PDE11A: variants seen among roughly 807,000 people sequenced by gnomAD.
PDE11A encodes the protein phosphodiesterase 11A, also known as dual 3',5'-cyclic-AMP and -GMP phosphodiesterase 11A.
In PDE11A, 100 loss-of-function variants were observed where a neutral mutation model predicts 100.5. The observed-to-expected ratio is 1.00, with a 90% CI of 0.85 to 1.18. The LOEUF is 1.18. Ranked by LOEUF, PDE11A falls within the 50% of genes most tolerant of loss-of-function variation. The pLI is 0.00. For missense variants in PDE11A, 1,141 were observed against 1,152.6 expected (o/e 0.99, Z 0.15); for synonymous variants, 381 against 420.8 (o/e 0.91, Z 1.16).
chr2:177,747,652 C>T (rs1286247189), intron 10 of PDE11A, among the ~76,000 whole-genome samples: 4 of 152,338 alleles, frequency 2.6e-5, no homozygotes, highest in African/African-American at 9.6e-5. Context: ...TCCATCCCCA[C>T]CCAGGATCCA....
chr2:178,068,035 G>T (rs2087071750), intron 1 of PDE11A, among the ~76,000 whole-genome samples: 1 of 152,122 alleles, frequency 6.6e-6, no homozygotes, highest in South Asian at 2.1e-4. Flanking sequence ...CGATTTTTAT[G>T]AATGTTTAAA....
chr2:177,786,821 G>T (rs950570200), intron 9 of PDE11A, among the ~76,000 whole-genome samples: 1 of 152,152 alleles, frequency 6.6e-6, no homozygotes, highest in Non-Finnish European at 1.5e-5. Flanking sequence ...AATGAAGCGA[G>T]AAGGGAAGTT....
chr2:177,656,259 T>C lies in PDE11A; in HGVS notation c.2646+7607A>G, dbSNP rs578233007. Among the ~76,000 whole-genome samples, 125 of 152,366 alleles carry C rather than the reference T, an allele frequency of 8.2e-4. 1 individual carries two copies. The highest frequency in any genetic ancestry group is 3.0e-3 in the African/African-American group (124 of 41,594). On this transcript the variant is annotated intron_variant, in intron 19 of 19. Transcript: ENST00000286063. ...TCATATTTCTACTGTACCTTTTCTATATGTTTAGATGCACAAATATTTACC... is the reference window on the plus strand; with the variant it reads ...TCATATTTCTACTGTACCTTTTCTACATGTTTAGATGCACAAATATTTACC...
chr2:177,887,119 G>A (rs945408407), intron 4 of PDE11A, among the ~76,000 whole-genome samples: 3 of 152,142 alleles, frequency 2.0e-5, no homozygotes, highest in Non-Finnish European at 2.9e-5. Flanking sequence ...TTTTTGATTA[G>A]GGGTCAGGAA....
intron 5 of PDE11A, among the ~76,000 whole-genome samples, chr2:177,853,651 T>C (rs1185519680): frequency 2.9e-4 from 6 of 20,544 alleles, no homozygotes; most frequent in Non-Finnish European, 3.1e-4. Context: ...TATATATATA[T>C]ATATATATAT....
chr2:178,072,460 C>T lies in PDE11A; in HGVS notation c.-23G>A. 2 of 1,612,672 alleles carry T rather than the reference C, an allele frequency of 1.2e-6. No homozygotes were observed. The highest frequency in any genetic ancestry group is 1.1e-5 in the South Asian group (1 of 91,054). ...CATGGTCCCAGACAGCTTTCCTTGC[C>T]TGTTTACACGTGAACCAAATGTTTT... On this transcript the variant is annotated 5_prime_UTR_variant, in exon 1 of 20. Coordinates refer to ENST00000286063, the MANE Select transcript of PDE11A (RefSeq NM_016953.4).
At chr2:177,853,635 CATATATATAT>C (rs371434526) in intron 5 of PDE11A, among the ~76,000 whole-genome samples, 633 of 36,130 alleles carry the variant, frequency 0.018, 6 homozygotes, top group Admixed American at 0.03. Flanking sequence ...ACAAGTCCTG[CATATATATAT>C]ATATATATAT....
At chr2:177,660,962 G>A (rs2080477350) in intron 19 of PDE11A, among the ~76,000 whole-genome samples, 1 of 152,194 alleles carries the variant, frequency 6.6e-6, no homozygotes, top group Non-Finnish European at 1.5e-5. Flanking sequence ...TCCCACTGCT[G>A]TACTCAAGAG....
chr2:178,100,778 T>C (rs966794769), intron 2 of PDE11A, among the ~76,000 whole-genome samples: 7 of 152,190 alleles, frequency 4.6e-5, no homozygotes, highest in African/African-American at 1.4e-4. Flanking sequence ...ATAAAAGGCA[T>C]ATTTGGTATA....
At chr2:177,843,990 G>C (rs1013790389) in intron 5 of PDE11A, among the ~76,000 whole-genome samples, 2 of 152,162 alleles carry the variant, frequency 1.3e-5, no homozygotes, top group African/African-American at 4.8e-5. Flanking sequence ...AGTGCAAACA[G>C]ATTTTCTGAA....
chr2:177,875,610 T>C (rs552380034), intron 5 of PDE11A, among the ~76,000 whole-genome samples: 2 of 152,052 alleles, frequency 1.3e-5, no homozygotes, highest in East Asian at 1.9e-4. Flanking sequence ...CTCGATCTCC[T>C]GATCTCATGA....
At chr2:178,013,351 A>G (rs1427383727) in intron 2 of PDE11A, among the ~76,000 whole-genome samples, 3 of 152,174 alleles carry the variant, frequency 2.0e-5, no homozygotes, top group African/African-American at 7.2e-5. Context: ...TGAATTCAAA[A>G]ACCTTTAAGG....
intron 5 of PDE11A, among the ~76,000 whole-genome samples, chr2:177,856,552 A>C (rs115744574): frequency 6.6e-6 from 1 of 152,110 alleles, no homozygotes; most frequent in Non-Finnish European, 1.5e-5. Context: ...TGAAAGGAAA[A>C]TATGAGAAGG....
chr2:177,946,244 C>CCCCA (rs2085426989), intron 2 of PDE11A, among the ~76,000 whole-genome samples: 1 of 119,950 alleles, frequency 8.3e-6, no homozygotes, highest in African/African-American at 2.8e-5. Context: ...GGGTCAGCCC[C>CCCCA]CCGCCCGGCC....
intron 19 of PDE11A, among the ~76,000 whole-genome samples, chr2:177,639,418 T>C (rs1242668813): frequency 6.6e-6 from 1 of 152,130 alleles, no homozygotes; most frequent in African/African-American, 2.4e-5. Context: ...CTTTGTATCT[T>C]CAACATCTGG....
chr2:177,994,255 C>A (rs1003309731), intron 2 of PDE11A, among the ~76,000 whole-genome samples: 1 of 152,046 alleles, frequency 6.6e-6, no homozygotes, highest in South Asian at 2.1e-4. Context: ...TTGATGTTAT[C>A]TTAATGATTG....
intron 2 of PDE11A, among the ~76,000 whole-genome samples, chr2:177,929,900 G>T (rs946779201): frequency 6.6e-6 from 1 of 152,076 alleles, no homozygotes; most frequent in Non-Finnish European, 1.5e-5. Flanking sequence ...CATTGTATAA[G>T]TTATTTACTT....
At chr2:178,068,839 A>G (rs2087086114) in intron 1 of PDE11A, among the ~76,000 whole-genome samples, 1 of 152,192 alleles carries the variant, frequency 6.6e-6, no homozygotes, top group African/African-American at 2.4e-5. Context: ...ATGTCTTACT[A>G]ACAGGAACAA....
At chr2:178,080,962 T>C (rs2087277468) in intron 2 of PDE11A, among the ~76,000 whole-genome samples, 2 of 152,180 alleles carry the variant, frequency 1.3e-5, no homozygotes, top group African/African-American at 4.8e-5. Context: ...AAAACATTTA[T>C]AATGTTTTAA....
Sources: allele counts gnomAD v4.1 joint callset (sites outside exome capture counted in the v4.1 genomes callset), GRCh38; gene constraint gnomAD v4.1.1; transcripts MANE v1.5; gene names NCBI Gene and HGNC (gene_info 2026-07-23, HGNC 2026-07-21).